The following SYNPO variants were observed in gnomAD, a reference collection of about 807,000 sequenced individuals.
SYNPO encodes synaptopodin.
Under a neutral mutation model 49.5 loss-of-function variants are expected in SYNPO, and 19 were observed. The ratio of observed to expected loss-of-function variants is 0.38; its 90% CI spans 0.27 to 0.56. The LOEUF is 0.56. Among genes scored for constraint, SYNPO ranks in the 20% least tolerant of loss-of-function variants. The pLI, the probability that SYNPO is intolerant of heterozygous loss-of-function variation, is 0.68. For synonymous variants in SYNPO, 536 were observed against 548.0 expected, an observed-to-expected ratio of 0.98 and a Z score of 0.31; for missense variants, 1,131 against 1,248.3, an observed-to-expected ratio of 0.91 and a Z score of 1.42.
upstream of SYNPO, among the ~76,000 whole-genome samples, chr5:150,600,656 G>T (rs1756505164): frequency 6.6e-6 from 1 of 152,168 alleles, no homozygotes; most frequent in Non-Finnish European, 1.5e-5. Context: ...CCAGGGGCTT[G>T]CTTCCCACAA....
chr5:150,618,352 G>A (rs765370516), exon 2 of SYNPO: 1 of 1,543,822 alleles, frequency 6.5e-7, no homozygotes, highest in Non-Finnish European at 8.7e-7. Context: ...CTGCATCGCT[G>A]AGGAAGAACA....
At chr5:150,605,034 A>G (rs1467866965) in intron 1 of SYNPO, among the ~76,000 whole-genome samples, 1 of 152,152 alleles carries the variant, frequency 6.6e-6, no homozygotes, top group Non-Finnish European at 1.5e-5. Flanking sequence ...CACCTACCTC[A>G]CAAGGCAGTT....
the SYNPO span, among the ~76,000 whole-genome samples, chr5:150,589,098 G>A: frequency 6.8e-6 from 1 of 147,610 alleles, no homozygotes; most frequent in Non-Finnish European, 1.5e-5. Flanking sequence ...GTCTCGCTGT[G>A]TTGCCTAGGC....
At chr5:150,651,828 C>A in intron 2 of SYNPO, 2 of 1,000,456 alleles carry the variant, frequency 2.0e-6, no homozygotes, top group Non-Finnish European at 2.4e-6. Flanking sequence ...GGAGACTTCC[C>A]ATCGCCTCTG....
the SYNPO span, among the ~76,000 whole-genome samples, chr5:150,586,013 A>G: frequency 0.55 from 84,454 of 152,196 alleles, 25,709 homozygotes; most frequent in African/African-American, 0.82. Context: ...AGCGAGGGAC[A>G]CTGCCAGGGG....
At chr5:150,589,395 T>A in the SYNPO span, among the ~76,000 whole-genome samples, 1 of 152,112 alleles carries the variant, frequency 6.6e-6, no homozygotes, top group Non-Finnish European at 1.5e-5. Flanking sequence ...CACATGTAGG[T>A]GTATCTCATT....
At chr5:150,599,231 C>T (rs555609657), upstream of SYNPO, among the ~76,000 whole-genome samples, 10 of 152,372 alleles carry the variant, frequency 6.6e-5, no homozygotes, top group South Asian at 8.3e-4. Flanking sequence ...AGTGAAACGA[C>T]GATCTCTGCT....
At chr5:150,605,555 C>G (rs1011695878) in intron 1 of SYNPO, among the ~76,000 whole-genome samples, 1 of 152,204 alleles carries the variant, frequency 6.6e-6, no homozygotes, top group South Asian at 2.1e-4. Context: ...GGTACTTACC[C>G]GGACAGGGCC....
At chr5:150,634,378 T>A (rs1375566918) in intron 2 of SYNPO, among the ~76,000 whole-genome samples, 1 of 152,200 alleles carries the variant, frequency 6.6e-6, no homozygotes, top group Non-Finnish European at 1.5e-5. Flanking sequence ...TTCCCTCTAC[T>A]GTTCAGTTGC....
upstream of SYNPO, among the ~76,000 whole-genome samples, chr5:150,599,561 G>A (rs144985511): frequency 3.5e-3 from 526 of 152,284 alleles, 4 homozygotes; most frequent in African/African-American, 0.012. Context: ...GTGTGGCCTA[G>A]GGAGACATCT....
chr5:150,605,824 A>G (rs1229202279), intron 1 of SYNPO, among the ~76,000 whole-genome samples: 1 of 152,088 alleles, frequency 6.6e-6, no homozygotes, highest in Non-Finnish European at 1.5e-5. Context: ...GTACAGACAC[A>G]CACATAAATA....
chr5:150,623,664 A>G (rs1757252616), intron 2 of SYNPO, among the ~76,000 whole-genome samples: 1 of 152,206 alleles, frequency 6.6e-6, no homozygotes, highest in African/African-American at 2.4e-5. Flanking sequence ...GAGTCTCCCC[A>G]GTGTGAACAG....
At chr5:150,636,726 A>C (rs1757726770), upstream of SYNPO, among the ~76,000 whole-genome samples, 1 of 120,144 alleles carries the variant, frequency 8.3e-6, no homozygotes, top group Admixed American at 1.1e-4. Context: ...TCCTCCTCTG[A>C]GGGGGCCTGG....
intron 1 of SYNPO, among the ~76,000 whole-genome samples, chr5:150,610,970 C>T (rs1369878327): frequency 1.3e-5 from 2 of 152,118 alleles, no homozygotes; most frequent in African/African-American, 4.8e-5. Context: ...GCTTATGTTT[C>T]TAAGTTTGTC....
At chr5:150,635,278 A>G (rs1006068273) in intron 2 of SYNPO, among the ~76,000 whole-genome samples, 1 of 152,242 alleles carries the variant, frequency 6.6e-6, no homozygotes, top group African/African-American at 2.4e-5. Flanking sequence ...TGTGTAGCAC[A>G]GGCTTGAAGC....
intron 1 of SYNPO, among the ~76,000 whole-genome samples, chr5:150,617,067 A>G (rs116196290): frequency 6.6e-6 from 1 of 152,340 alleles, no homozygotes; most frequent in Non-Finnish European, 1.5e-5. Context: ...AGAACAGCCA[A>G]CATGTATTAA....
At chr5:150,592,898 G>A in the SYNPO span, among the ~76,000 whole-genome samples, 1 of 152,176 alleles carries the variant, frequency 6.6e-6, no homozygotes, top group Admixed American at 6.5e-5. Flanking sequence ...TCTGAACCTT[G>A]TGTCCAGTGA....
At chr5:150,645,602 C>T (rs1758061151) in intron 1 of SYNPO, among the ~76,000 whole-genome samples, 1 of 152,118 alleles carries the variant, frequency 6.6e-6, no homozygotes, top group South Asian at 2.1e-4. Context: ...CAGACTGAAC[C>T]CCGACCCATG....
the SYNPO span, among the ~76,000 whole-genome samples, chr5:150,592,178 AAAGAAGAAGAAG>A: frequency 6.6e-6 from 1 of 152,110 alleles, no homozygotes; most frequent in African/African-American, 2.4e-5. Flanking sequence ...AAGAAAAGAA[AAAGAAGAAGAAG>A]AAGAAGAAGA....
Sources: allele counts gnomAD v4.1 joint callset (sites outside exome capture counted in the v4.1 genomes callset), GRCh38; gene constraint gnomAD v4.1.1; transcripts MANE v1.5; gene names NCBI Gene and HGNC (gene_info 2026-07-23, HGNC 2026-07-21).